DNAAF19: variants seen among roughly 807,000 people sequenced by gnomAD.
The protein encoded by DNAAF19 is dynein axonemal assembly factor 19.
the DNAAF19 span, chr17:44,903,422 G>C: frequency 4.0e-6 from 5 of 1,252,516 alleles, no homozygotes; most frequent in Non-Finnish European, 5.0e-6. Flanking sequence ...TCATCCCCCA[G>C]GTTGATGAAA....
chr17:44,904,995 C>T, the DNAAF19 span: 2 of 1,550,858 alleles, frequency 1.3e-6, no homozygotes, highest in East Asian at 2.4e-5. Flanking sequence ...CTGCTCATCA[C>T]AGCAGTCTTT....
the DNAAF19 span, chr17:44,901,472 C>A: frequency 6.2e-7 from 1 of 1,608,098 alleles, no homozygotes; most frequent in Non-Finnish European, 8.5e-7. Context: ...CTCACACCCA[C>A]AGACACAGCA....
chr17:44,904,639 C>T, the DNAAF19 span: 1 of 1,550,546 alleles, frequency 6.4e-7, no homozygotes, highest in Non-Finnish European at 8.7e-7. Flanking sequence ...CCTGGGTGCC[C>T]CAGGTGCCCA....
chr17:44,903,811 AC>A, the DNAAF19 span: 1 of 1,542,482 alleles, frequency 6.5e-7, no homozygotes, highest in Non-Finnish European at 8.8e-7. Context: ...TGCCCCTCTG[AC>A]CCCTGCCTCC....
chr17:44,904,981 C>A, the DNAAF19 span: 1 of 1,550,816 alleles, frequency 6.4e-7, no homozygotes, highest in East Asian at 2.4e-5. Context: ...CCCTGATAGG[C>A]TACCTGCTCA....
At chr17:44,903,892 G>A in the DNAAF19 span, 2 of 1,550,592 alleles carry the variant, frequency 1.3e-6, no homozygotes, top group Admixed American at 2.0e-5. Context: ...TTGAAATTGT[G>A]GAGAAGGAAA....
the DNAAF19 span, chr17:44,905,100 G>A: frequency 2.7e-6 from 4 of 1,471,984 alleles, no homozygotes; most frequent in South Asian, 1.3e-5. Context: ...AAGACCAGTT[G>A]TCCTTCAATG....
chr17:44,903,418 C>T, the DNAAF19 span: 3 of 1,252,332 alleles, frequency 2.4e-6, no homozygotes, highest in Non-Finnish European at 2.0e-6. Flanking sequence ...TCCTTCATCC[C>T]CCAGGTTGAT....
chr17:44,900,937 T>G, the DNAAF19 span: 1 of 1,501,596 alleles, frequency 6.7e-7, no homozygotes, highest in African/African-American at 1.4e-5. Context: ...AGAGGTACCC[T>G]CTTTCCCCTG....
chr17:44,903,606 C>A, the DNAAF19 span: 155 of 1,404,854 alleles, frequency 1.1e-4, no homozygotes, highest in African/African-American at 5.1e-4. Context: ...TTTCCCCCCC[C>A]ACCCTGAGAT....
At chr17:44,905,280 C>T in the DNAAF19 span, 1 of 584,008 alleles carries the variant, frequency 1.7e-6, no homozygotes, top group Non-Finnish European at 3.1e-6. Flanking sequence ...GGGGACTGAG[C>T]TCAGGATGGA....
chr17:44,903,439 T>C, the DNAAF19 span: 2 of 1,251,650 alleles, frequency 1.6e-6, no homozygotes, highest in Non-Finnish European at 2.0e-6. Context: ...GAAAGACTTT[T>C]CCACCAGGCT....
chr17:44,901,468 C>A, the DNAAF19 span: 1 of 1,604,556 alleles, frequency 6.2e-7, no homozygotes, highest in Non-Finnish European at 8.5e-7. Context: ...CTGCCTCACA[C>A]CCACAGACAC....
At chr17:44,902,644 G>A in the DNAAF19 span, 1 of 1,614,218 alleles carries the variant, frequency 6.2e-7, no homozygotes, top group Non-Finnish European at 8.5e-7. Flanking sequence ...GCTGAGCCGG[G>A]CAGAGAGAGA....
the DNAAF19 span, chr17:44,902,393 C>T: frequency 3.7e-6 from 6 of 1,614,246 alleles, no homozygotes; most frequent in Non-Finnish European, 5.1e-6. Context: ...CCCGAGACGT[C>T]TGCTGACTTC....
At chr17:44,901,748 A>T in the DNAAF19 span, 1 of 1,343,874 alleles carries the variant, frequency 7.4e-7, no homozygotes, top group Non-Finnish European at 1.0e-6. Flanking sequence ...TTGTTTTTTT[A>T]ACCACACATA....
At chr17:44,905,371 C>A in the DNAAF19 span, 1 of 384,268 alleles carries the variant, frequency 2.6e-6, no homozygotes, top group Non-Finnish European at 5.0e-6. Context: ...GTGGTAAACA[C>A]TGATCAGTGT....
the DNAAF19 span, among the ~76,000 whole-genome samples, chr17:44,900,285 GAA>G: frequency 2.5e-4 from 36 of 144,178 alleles, no homozygotes; most frequent in African/African-American, 2.3e-4. Context: ...AACAGAGCCA[GAA>G]AAAAAAAAAA....
chr17:44,901,200 T>C, the DNAAF19 span: 8 of 1,568,574 alleles, frequency 5.1e-6, no homozygotes, highest in Non-Finnish European at 6.9e-6. Flanking sequence ...AGTAGTTAAC[T>C]CTGAAATCAA....
Sources: allele counts gnomAD v4.1 joint callset (sites outside exome capture counted in the v4.1 genomes callset), GRCh38; gene constraint gnomAD v4.1.1; transcripts MANE v1.5; gene names NCBI Gene and HGNC (gene_info 2026-07-23, HGNC 2026-07-21).